Variants in COL20A1 observed in about 807,000 individuals in gnomAD.
The protein encoded by COL20A1 is collagen alpha-1(XX) chain.
Under a neutral mutation model 152.9 loss-of-function variants are expected in COL20A1, and 164 were observed. The observed-to-expected ratio is 1.07, with a 90% confidence interval of 0.94 to 1.22. The LOEUF is 1.22. Among genes scored for constraint, COL20A1 ranks in the 50% most tolerant of loss-of-function variants. The pLI is 0.00. For missense variants in COL20A1, 1,873 were observed against 1,744.8 expected, an observed-to-expected ratio of 1.07 and a Z score of -1.31; for synonymous variants, 864 against 756.0, an observed-to-expected ratio of 1.14 and a Z score of -2.34.
chr20:63,308,065 C>T lies in COL20A1; in HGVS notation c.750C>T (p.Arg250=), dbSNP rs1356686544. ...TGCTGGCAGCTGTGCGCCGCCTCCG[C>T]TACAAGGGGGGGAACACGTTCACAG... ...EQVLAAVRRL[R]YKGGNTFTGL... is the part of the protein sequence containing the mutation. Residue 250 remains arginine, a synonymous_variant, in exon 7 of 36, where the codon CGC becomes CGT. Transcript: ENST00000358894. 3.1e-6 allele frequency: 5 copies of T among 1,612,486 alleles called. No homozygotes were observed. The East Asian group carries it at 8.9e-5, about 29-fold the overall frequency.
intron 19 of COL20A1, 86 bp from the exon 20 acceptor site, chr20:63,315,318 C>T: frequency 7.7e-7 from 1 of 1,305,816 alleles, no homozygotes; most frequent in Non-Finnish European, 1.1e-6. Flanking sequence ...GGGGCATCGT[C>T]CATGAAGTGG....
intron 1 of COL20A1, among the ~76,000 whole-genome samples, chr20:63,293,983 G>A (rs888916315): frequency 6.8e-6 from 1 of 146,166 alleles, no homozygotes; most frequent in Non-Finnish European, 1.5e-5. Flanking sequence ...CAGAACCAGG[G>A]CCTGCACTCA....
At chr20:63,298,748 A>T (rs1045891198) in intron 3 of COL20A1, among the ~76,000 whole-genome samples, 10 of 152,228 alleles carry the variant, frequency 6.6e-5, no homozygotes, top group Non-Finnish European at 2.9e-5. Context: ...CTTTTCAGGG[A>T]ACCCTGTTCC....
chr20:63,328,265 T>A, intron 33 of COL20A1, 66 bp from the exon 34 acceptor site: 1 of 1,552,268 alleles, frequency 6.4e-7, no homozygotes, highest in Non-Finnish European at 8.8e-7. Context: ...TGTCCTGGCG[T>A]GGCCTGCACA....
In COL20A1 at chr20:63,306,176, C is replaced by T; in HGVS notation, c.496+137C>T. 1 of 703,900 alleles carries T rather than the reference C, an allele frequency of 1.4e-6. No homozygotes were observed. The highest frequency in any genetic ancestry group is 2.3e-6 in the Non-Finnish European group (1 of 434,288). The allele number at this position is 703,900 out of a possible 1,614,324, so 43.6% of individuals were successfully genotyped here. On this transcript the variant is annotated intron_variant, in intron 5 of 35. Coordinates refer to ENST00000358894, the MANE Select transcript of COL20A1 (RefSeq NM_020882.4). The surrounding 1 kb of genome is among the most constrained non-coding windows in gnomAD (Gnocchi z 6.9). ...CTGACCACGAGGCCAGGAAGTTCTTCCTCGTGTCTGACCACACGGTCTCTG... is the reference window on the plus strand; with the variant it reads ...CTGACCACGAGGCCAGGAAGTTCTTTCTCGTGTCTGACCACACGGTCTCTG...
In COL20A1 at chr20:63,307,470, AC is replaced by A; in HGVS notation, c.497-17del. 1 of 1,605,102 alleles carries A rather than the reference AC, an allele frequency of 6.2e-7. No homozygotes were observed. The highest frequency in any genetic ancestry group is 2.2e-5 in the East Asian group (1 of 44,830). ...AGGGATGGGCCTCACCTAGCACCTGACCCGCTCCCACCGCCCCAGCCGGCCC... is the reference window on the plus strand; with the variant it reads ...AGGGATGGGCCTCACCTAGCACCTGACCGCTCCCACCGCCCCAGCCGGCCC... On this transcript the variant is annotated intron_variant, in intron 5 of 35. Coordinates refer to ENST00000358894, the MANE Select transcript of COL20A1 (RefSeq NM_020882.4).
chr20:63,314,164 A>T lies in COL20A1; in HGVS notation c.2451A>T (p.Ala817=). The T allele has an allele frequency of 6.3e-7, 1 of 1,586,216 alleles. No individual in the cohort carries two copies. The highest frequency in any genetic ancestry group is 8.6e-7 in the Non-Finnish European group (1 of 1,166,740). The part of the protein sequence containing the change: ...YRVLVSAIYA[A]GRSEAVSATG... ...TCCTGGTCTCAGCTATCTATGCAGC[A>T]GGCAGGAGTGAGGCTGTGTCTGCCA... Residue 817 remains alanine (A), a synonymous_variant, in exon 19 of 36, where the codon GCA becomes GCT. Transcript: ENST00000358894.
Position 63,332,819 on chromosome 20 carries a change from G to C in COL20A1, c.*2103G>C, listed in dbSNP as rs950464665. On this transcript the variant is annotated 3_prime_UTR_variant, in exon 36 of 36. Coordinates refer to ENST00000358894, the MANE Select transcript of COL20A1 (RefSeq NM_020882.4). The stretch of plus-strand genomic sequence containing the variant: ...GCCAGCTGGTGCCCAGGCAGCTTAG[G>C]GACTGGTCCCTGAGGCCCCACCCGC... The C allele has an allele frequency of 2.2e-4, 34 of 152,398 alleles. No individual in the cohort carries two copies. The highest frequency in any genetic ancestry group is 7.7e-4 in the African/African-American group (32 of 41,584). The allele number at this position is 152,398 out of a possible 1,614,324, so 9.4% of individuals were successfully genotyped here. A position where few individuals can be genotyped will look rare whatever the true frequency, so the allele number is the denominator to read the frequency against.
At position 63,305,803 on chromosome 20, in the gene COL20A1, G is replaced by A. The variant is rs2123388046; in HGVS notation, c.338-78G>A. 1 of 1,448,950 alleles carries A rather than the reference G, an allele frequency of 6.9e-7. No individual in the cohort carries two copies. Among genetic ancestry groups the A allele is most frequent in the East Asian group, 2.3e-5 (1 of 43,888 alleles). The allele number at this position is 1,448,950 out of a possible 1,614,324, so 89.8% of individuals were successfully genotyped here. A position where few individuals can be genotyped will look rare whatever the true frequency, so the allele number is the denominator to read the frequency against. On this transcript the variant is annotated intron_variant, in intron 4 of 35. Transcript: ENST00000358894. This position sits in a 1 kb window ranked among gnomAD's most constrained non-coding sequence, Gnocchi z 4.9. ...CCTCAGCACCCACAGATGCGCCCTT[G>A]AAGGGGTGTATGTGCAGCTGCCCCA...
Position 63,314,199 on chromosome 20 carries a change from C to T in COL20A1, c.2486C>T (p.Thr829Ile). The T allele has an allele frequency of 6.4e-7, 1 of 1,558,062 alleles. No individual in the cohort carries two copies. Among genetic ancestry groups the T allele is most frequent in the African/African-American group, 1.4e-5 (1 of 73,538 alleles). ...RSEAVSATGQ[T>I]ACPALRPDGS... The stretch of plus-strand genomic sequence containing the variant: ...GAGGCTGTGTCTGCCACGGGCCAGA[C>T]AGGTGAGTGGGCACCAAGACCCCAG... Residue 829 changes from threonine to isoleucine, a missense_variant and splice_region_variant, in exon 19 of 36, where the codon ACA becomes ATA. By Grantham distance (89) the Thr-to-Ile change is moderately conservative (BLOSUM62 -1). Coordinates refer to ENST00000358894, the MANE Select transcript of COL20A1 (RefSeq NM_020882.4).
chr20:63,328,288 C>G (rs1259284166), intron 33 of COL20A1, 43 bp from the exon 34 acceptor site: 2 of 1,586,344 alleles, frequency 1.3e-6, no homozygotes, highest in Non-Finnish European at 1.7e-6. Context: ...CCTCGCATCC[C>G]CGGGTCCCCA....
At chr20:63,326,942 C>A in intron 31 of COL20A1, 119 bp downstream of exon 31, 1 of 624,528 alleles carries the variant, frequency 1.6e-6, no homozygotes, top group Non-Finnish European at 2.6e-6. Context: ...TACTGACCAC[C>A]TAGGGACTTC....
intron 8 of COL20A1, 131 bp downstream of exon 8, chr20:63,308,837 C>G (rs1250608116): frequency 8.3e-6 from 7 of 847,804 alleles, no homozygotes; most frequent in Non-Finnish European, 1.2e-5. Flanking sequence ...GAGCTGCACG[C>G]AGAGCCAGGC....
Position 63,309,924 on chromosome 20 carries a change from G to T in COL20A1, c.1263+9G>T. 6.3e-7 allele frequency: 1 copy of T among 1,591,300 alleles called. No homozygotes were observed. On this transcript the variant is annotated intron_variant, in intron 10 of 35. Transcript: ENST00000358894. ...GTGGCACCCCCAGGGAGGTGAGGGGGCCGGTATACAGGGCTCCCCGAGCCG... is the reference window on the plus strand; with the variant it reads ...GTGGCACCCCCAGGGAGGTGAGGGGTCCGGTATACAGGGCTCCCCGAGCCG...
chr20:63,331,618 A>G lies in COL20A1; in HGVS notation c.*902A>G, dbSNP rs548378203. 2.0e-5 allele frequency: 3 copies of G among 152,334 alleles called. No homozygotes were observed. Among genetic ancestry groups the G allele is most frequent in the African/African-American group, 7.2e-5 (3 of 41,566 alleles). 9.4% of individuals were successfully genotyped at this position (152,334 alleles called of 1,614,324 possible). On this transcript the variant is annotated 3_prime_UTR_variant, in exon 36 of 36. Coordinates refer to ENST00000358894, the MANE Select transcript of COL20A1 (RefSeq NM_020882.4). Reference sequence around the variant, plus strand: ...CAAACAGCATGGGGGCAAGCTCAGAACACACACCTGGGCTTCTGGGCCTTG... The same window carrying G: ...CAAACAGCATGGGGGCAAGCTCAGAGCACACACCTGGGCTTCTGGGCCTTG...
chr20:63,319,712 G>A lies in COL20A1; in HGVS notation c.2916+116G>A. Reference sequence around the variant, plus strand: ...CCTAGGAGAGCAGGACCTTCCTTGGGAGGGAACATTGACCTGGGGCTCTGT... The same window carrying A: ...CCTAGGAGAGCAGGACCTTCCTTGGAAGGGAACATTGACCTGGGGCTCTGT... On this transcript the variant is annotated intron_variant, in intron 23 of 35. Coordinates refer to ENST00000358894, the MANE Select transcript of COL20A1 (RefSeq NM_020882.4). The surrounding 1 kb of genome is among the most constrained non-coding windows in gnomAD (Gnocchi z 4.4). The A allele has an allele frequency of 1.5e-6, 1 of 681,650 alleles. No individual in the cohort carries two copies. The highest frequency in any genetic ancestry group is 2.6e-5 in the Admixed American group (1 of 38,478). 42.2% of individuals were successfully genotyped at this position (681,650 alleles called of 1,614,324 possible).
In COL20A1 at chr20:63,326,769, AG is replaced by A; in HGVS notation, c.3478del (p.Ala1160ProfsTer42). ...CTATGCAGGGGTTCCAGGGCATGGC[AG>A]GGGCCAGGGGCACTAGTGGAGAGCG... ...PGPRGFQGMA[G>X]ARGTSGERGP... On this transcript the variant is annotated frameshift_variant, in exon 31 of 36. Coordinates refer to ENST00000358894, the MANE Select transcript of COL20A1 (RefSeq NM_020882.4). LOFTEE classifies it high-confidence loss of function. 1 of 1,480,392 alleles carries A rather than the reference AG, an allele frequency of 6.8e-7. No individual in the cohort carries two copies. The allele number at this position is 1,480,392 out of a possible 1,614,324, so 91.7% of individuals were successfully genotyped here.
At chr20:63,303,291 G>T (rs541514204) in intron 3 of COL20A1, among the ~76,000 whole-genome samples, 65 of 152,166 alleles carry the variant, frequency 4.3e-4, no homozygotes, top group Non-Finnish European at 7.4e-4. Context: ...AAACTCCTGG[G>T]CTCAAGTGAT....
At chr20:63,321,944 C>T in intron 26 of COL20A1, 114 bp from the exon 27 acceptor site, 1 of 756,670 alleles carries the variant, frequency 1.3e-6, no homozygotes, top group Admixed American at 3.2e-5. Context: ...CAGTCTGGGG[C>T]TGGGTGGGGC....
Sources: gnomAD v4.1 joint callset for allele counts (sites outside exome capture counted in the v4.1 genomes callset) on GRCh38, gnomAD v4.1.1 for gene constraint, Gnocchi (gnomAD v3.1) non-coding constraint, MANE v1.5 for transcripts, NCBI Gene and HGNC (gene_info 2026-07-23, HGNC 2026-07-21) for gene names.